Variants in ALK observed in about 807,000 individuals in gnomAD.
The protein encoded by ALK is ALK receptor tyrosine kinase, also known as ALK tyrosine kinase receptor.
Under a neutral mutation model 163.1 loss-of-function variants are expected in ALK, and 74 were observed. The observed-to-expected ratio is 0.45, with a 90% CI of 0.38 to 0.55. ALK has a LOEUF of 0.55. Among genes scored for constraint, ALK ranks in the 20% least tolerant of loss-of-function variants. The probability of loss-of-function intolerance (pLI) is 0.00; values close to 1 mark genes in which losing one functional copy is unlikely to be tolerated. For missense variants in ALK, 2,063 were observed against 2,105.3 expected (o/e 0.98, Z 0.39); for synonymous variants, 960 against 843.2 (o/e 1.14, Z -2.40).
intron 1 of ALK, among the ~76,000 whole-genome samples, chr2:29,834,439 C>G (rs1003934143): frequency 2.6e-5 from 4 of 152,102 alleles, no homozygotes; most frequent in African/African-American, 9.7e-5. Context: ...GCAGAAAATT[C>G]TAGGGGAAGT....
At chr2:29,356,168 G>A (rs1171491254) in intron 5 of ALK, among the ~76,000 whole-genome samples, 1 of 152,192 alleles carries the variant, frequency 6.6e-6, no homozygotes, top group African/African-American at 2.4e-5. Flanking sequence ...GATTGTGTCT[G>A]TTCCGCAGAG....
At chr2:29,267,170 T>C (rs1371041068) in intron 11 of ALK, among the ~76,000 whole-genome samples, 1 of 151,616 alleles carries the variant, frequency 6.6e-6, no homozygotes, top group Non-Finnish European at 1.5e-5. Flanking sequence ...GAAACCAAGG[T>C]TGGCCTCCAG....
chr2:29,612,784 C>G (rs1328049161), intron 3 of ALK, among the ~76,000 whole-genome samples: 1 of 152,102 alleles, frequency 6.6e-6, no homozygotes, highest in Non-Finnish European at 1.5e-5. Flanking sequence ...CTGTTAATGT[C>G]AGTGAAGAGG....
chr2:29,292,317 C>G (rs1036110603), intron 9 of ALK, among the ~76,000 whole-genome samples: 2 of 152,174 alleles, frequency 1.3e-5, no homozygotes, highest in Non-Finnish European at 2.9e-5. Context: ...AGCATGGCTT[C>G]TGCTCTGTAA....
chr2:29,249,691 G>C (rs993886058), intron 12 of ALK, among the ~76,000 whole-genome samples: 4 of 152,178 alleles, frequency 2.6e-5, no homozygotes, highest in African/African-American at 7.2e-5. Flanking sequence ...TCATACAGGA[G>C]CAACACCTGT....
At chr2:29,580,519 A>G (rs1430881653) in intron 3 of ALK, among the ~76,000 whole-genome samples, 1 of 152,028 alleles carries the variant, frequency 6.6e-6, no homozygotes, top group African/African-American at 2.4e-5. Flanking sequence ...ATTTGATTCA[A>G]TCTGCTTTCT....
chr2:29,456,681 G>A (rs1390522546), intron 4 of ALK, among the ~76,000 whole-genome samples: 1 of 152,078 alleles, frequency 6.6e-6, no homozygotes. Flanking sequence ...TCCCTGAACT[G>A]TACCCTTAAA....
At chr2:29,452,738 T>C (rs1346276434) in intron 4 of ALK, among the ~76,000 whole-genome samples, 4 of 152,200 alleles carry the variant, frequency 2.6e-5, no homozygotes, top group Non-Finnish European at 5.9e-5. Context: ...AACCGACGAC[T>C]AACATCACCA....
chr2:29,364,591 G>T (rs1015859068), intron 5 of ALK, among the ~76,000 whole-genome samples: 3 of 152,114 alleles, frequency 2.0e-5, no homozygotes, highest in African/African-American at 7.2e-5. Flanking sequence ...CCCAGTGTAG[G>T]GTCCTTGCTA....
chr2:29,484,851 G>C (rs1435631024), intron 4 of ALK, among the ~76,000 whole-genome samples: 1 of 152,112 alleles, frequency 6.6e-6, no homozygotes, highest in Non-Finnish European at 1.5e-5. Context: ...CACTTTGAAA[G>C]TACTGATCTA....
At chr2:29,752,091 T>A (rs1229323843) in intron 1 of ALK, among the ~76,000 whole-genome samples, 1 of 152,206 alleles carries the variant, frequency 6.6e-6, no homozygotes, top group Non-Finnish European at 1.5e-5. Context: ...CGTTCTGAAC[T>A]TATGATGGCA....
chr2:29,828,640 G>T (rs180955033), intron 1 of ALK, among the ~76,000 whole-genome samples: 1 of 152,150 alleles, frequency 6.6e-6, no homozygotes, highest in African/African-American at 2.4e-5. Flanking sequence ...TTAGAATGGC[G>T]ATCATTAAAA....
intron 1 of ALK, among the ~76,000 whole-genome samples, chr2:29,771,103 G>A (rs139464273): frequency 1.1e-4 from 17 of 150,830 alleles, no homozygotes; most frequent in Non-Finnish European, 2.4e-4. Flanking sequence ...AAATACACAC[G>A]TACACATACA....
At position 29,920,363 on chromosome 2, in the gene ALK, G is replaced by A. The variant is rs545367563; in HGVS notation, c.297C>T (p.Leu99=). 10 of 1,555,796 alleles carry A rather than the reference G, an allele frequency of 6.4e-6. No individual in the cohort carries two copies. Among genetic ancestry groups the A allele is most frequent in the Non-Finnish European group, 7.8e-6 (9 of 1,151,000 alleles). ...CCCCCGGCGCCGGCCCCAGCAACCT[G>A]AGCAGCGGGGCGCAGTCCAGAGCTA... ...GSLALDCAPL[L]RLLGPAPGVS... is the part of the protein sequence containing the mutation. Residue 99 remains leucine, a synonymous_variant, in exon 1 of 29, where the codon CTC becomes CTT. Coordinates refer to ENST00000389048, the MANE Select transcript of ALK (RefSeq NM_004304.5).
At chr2:29,586,443 T>C (rs1259563123) in intron 3 of ALK, among the ~76,000 whole-genome samples, 2 of 152,198 alleles carry the variant, frequency 1.3e-5, no homozygotes, top group Non-Finnish European at 2.9e-5. Flanking sequence ...TCCACATATA[T>C]TATCTTTTAG....
intron 3 of ALK, among the ~76,000 whole-genome samples, chr2:29,585,636 G>A (rs11127229): frequency 0.25 from 37,427 of 151,906 alleles, 5,292 homozygotes; most frequent in Non-Finnish European, 0.33. Context: ...CCTGTCAATT[G>A]TTTTTACAAA....
intron 11 of ALK, 127 bp from the exon 12 acceptor site, chr2:29,251,394 T>C (rs987199791): frequency 8.3e-6 from 8 of 966,334 alleles, no homozygotes; most frequent in African/African-American, 1.6e-5. Context: ...GGCACCAAGG[T>C]CAGGGCAAGA....
chr2:29,450,933 G>C (rs1181408125), intron 4 of ALK, among the ~76,000 whole-genome samples: 2 of 152,094 alleles, frequency 1.3e-5, no homozygotes, highest in African/African-American at 4.8e-5. Flanking sequence ...TGGGGGCGGG[G>C]CTCAGGACTC....
chr2:29,698,239 T>G lies in ALK; in HGVS notation c.788-3225A>C, dbSNP rs139409311. On this transcript the variant is annotated intron_variant, in intron 2 of 28. Transcript: ENST00000389048. ...TCTTCAAGATGTGCTTGAAGACACC[T>G]GGTTTTCAGAGCAGACTGCAAAGAG... 3.3e-3 allele frequency among the ~76,000 whole-genome samples: 499 copies of G among 152,304 alleles called. 4 individuals carry two copies. The highest frequency in any genetic ancestry group is 0.011 in the African/African-American group (471 of 41,566).
Sources: allele counts gnomAD v4.1 joint callset (sites outside exome capture counted in the v4.1 genomes callset), GRCh38; gene constraint gnomAD v4.1.1; transcripts MANE v1.5; gene names NCBI Gene and HGNC (gene_info 2026-07-23, HGNC 2026-07-21).